Variants in OR2L13 observed in about 807,000 individuals in gnomAD.
OR2L13 encodes the protein olfactory receptor 2L13.
A neutral mutation model predicts 15.3 loss-of-function variants in OR2L13; 14 were observed. That is an observed-to-expected ratio of 0.91 (90% CI 0.60 to 1.43). The LOEUF (loss-of-function observed/expected upper bound fraction) is 1.43. OR2L13 is among the 40% of genes most tolerant of loss of function. The pLI is 0.00. For synonymous variants in OR2L13, 152 were observed against 142.9 expected (o/e 1.06, Z -0.45); for missense variants, 367 against 387.9 (o/e 0.95, Z 0.45).
At chr1:248,002,824 C>T in the OR2L13 span, among the ~76,000 whole-genome samples, 92 of 150,960 alleles carry the variant, frequency 6.1e-4, no homozygotes, top group Non-Finnish European at 1.1e-3. Flanking sequence ...CACCACTGCA[C>T]TCCAGCCTGG....
At chr1:248,037,489 C>G in the OR2L13 span, among the ~76,000 whole-genome samples, 1 of 152,078 alleles carries the variant, frequency 6.6e-6, no homozygotes, top group African/African-American at 2.4e-5. Context: ...ATCAAACATT[C>G]ATATCTTTTT....
chr1:247,939,934 A>G, the OR2L13 span, among the ~76,000 whole-genome samples: 2 of 152,206 alleles, frequency 1.3e-5, no homozygotes, highest in South Asian at 2.1e-4. Context: ...TACATTTGAA[A>G]TACAATCAAA....
At chr1:248,026,304 C>T in the OR2L13 span, among the ~76,000 whole-genome samples, 1 of 152,180 alleles carries the variant, frequency 6.6e-6, no homozygotes, top group East Asian at 1.9e-4. Context: ...GTGTGGATTT[C>T]CTTCTGCCTT....
the OR2L13 span, among the ~76,000 whole-genome samples, chr1:248,011,154 C>CA: frequency 6.6e-6 from 1 of 152,110 alleles, no homozygotes. Flanking sequence ...CTGGTGGTGA[C>CA]AAAATCTCTT....
the OR2L13 span, among the ~76,000 whole-genome samples, chr1:247,958,130 TG>T: frequency 6.6e-6 from 1 of 152,210 alleles, no homozygotes; most frequent in Admixed American, 6.5e-5. Flanking sequence ...CCAGAGATTC[TG>T]GTATGTTGTG....
At chr1:247,990,198 G>A in the OR2L13 span, 1 of 613,220 alleles carries the variant, frequency 1.6e-6, no homozygotes, top group Non-Finnish European at 3.0e-6. Context: ...ATCCCCTGCA[G>A]ATAAGGGGGA....
the OR2L13 span, among the ~76,000 whole-genome samples, chr1:248,082,678 C>T: frequency 6.6e-6 from 1 of 151,826 alleles, no homozygotes; most frequent in Non-Finnish European, 1.5e-5. Context: ...AAATAGTCTT[C>T]TTTTTTTTGT....
chr1:248,053,306 A>G, the OR2L13 span, among the ~76,000 whole-genome samples: 80 of 152,286 alleles, frequency 5.3e-4, no homozygotes, highest in East Asian at 0.01. Context: ...ATGGCTGTAT[A>G]GTATTCCATT....
chr1:248,082,357 G>T, the OR2L13 span, among the ~76,000 whole-genome samples: 1 of 366 alleles, frequency 2.7e-3, no homozygotes, highest in Non-Finnish European at 6.8e-3. Flanking sequence ...TGGGGGGTGG[G>T]GGGAGGGGGG....
At chr1:247,959,357 T>A in the OR2L13 span, among the ~76,000 whole-genome samples, 2 of 151,986 alleles carry the variant, frequency 1.3e-5, no homozygotes, top group East Asian at 1.9e-4. Flanking sequence ...TAGACTTTTC[T>A]TTCTGGCTGC....
chr1:247,981,971 A>G, the OR2L13 span, among the ~76,000 whole-genome samples: 4 of 151,808 alleles, frequency 2.6e-5, no homozygotes, highest in Admixed American at 6.6e-5. Context: ...TCCCGCCACC[A>G]CGCCCGGCTA....
the OR2L13 span, among the ~76,000 whole-genome samples, chr1:248,002,728 G>A: frequency 6.6e-6 from 1 of 151,964 alleles, no homozygotes; most frequent in Non-Finnish European, 1.5e-5. Flanking sequence ...CGTGGTGGCG[G>A]GCGCCTGTAG....
At chr1:248,054,020 A>T in the OR2L13 span, among the ~76,000 whole-genome samples, 1 of 152,046 alleles carries the variant, frequency 6.6e-6, no homozygotes, top group Non-Finnish European at 1.5e-5. Flanking sequence ...TCTTTGTCAT[A>T]AAATCCTTTC....
chr1:248,098,169 C>T (rs1572744196), intron 1 of OR2L13, among the ~76,000 whole-genome samples: 1 of 152,268 alleles, frequency 6.6e-6, no homozygotes, highest in East Asian at 1.9e-4. Flanking sequence ...GAATCGTAAT[C>T]ACTACATAAC....
chr1:247,944,665 T>C, the OR2L13 span, among the ~76,000 whole-genome samples: 1 of 152,192 alleles, frequency 6.6e-6, no homozygotes, highest in Non-Finnish European at 1.5e-5. Context: ...TGCATAGTAT[T>C]CCATGGTGTA....
At chr1:247,960,168 C>T in the OR2L13 span, among the ~76,000 whole-genome samples, 1 of 152,158 alleles carries the variant, frequency 6.6e-6, no homozygotes, top group Non-Finnish European at 1.5e-5. Flanking sequence ...AGTCAGGACC[C>T]TCAGCTGCAG....
the OR2L13 span, chr1:248,060,881 T>C: frequency 5.1e-5 from 83 of 1,613,830 alleles, no homozygotes; most frequent in Non-Finnish European, 6.6e-5. Context: ...CAGCTCTCCC[T>C]CATTGACCTA....
the OR2L13 span, among the ~76,000 whole-genome samples, chr1:247,946,966 T>C: frequency 6.6e-6 from 1 of 152,226 alleles, no homozygotes; most frequent in Non-Finnish European, 1.5e-5. Flanking sequence ...TTTCTAGGAA[T>C]GTCCTTAAGC....
upstream of OR2L13, among the ~76,000 whole-genome samples, chr1:248,096,786 G>T (rs533466934): frequency 6.5e-3 from 994 of 152,296 alleles, 11 homozygotes; most frequent in African/African-American, 0.023. Context: ...GAAATGAGGT[G>T]TTTTTTAACT....
Sources: gnomAD v4.1 joint callset for allele counts (sites outside exome capture counted in the v4.1 genomes callset) on GRCh38, gnomAD v4.1.1 for gene constraint, MANE v1.5 for transcripts, NCBI Gene and HGNC (gene_info 2026-07-23, HGNC 2026-07-21) for gene names.